Variants in ERP44 observed in about 807,000 individuals in gnomAD.
The protein encoded by ERP44 is endoplasmic reticulum protein 44.
ERP44 carries 25 observed loss-of-function variants against 53.4 expected under a neutral mutation model. That is an observed-to-expected ratio of 0.47 (90% CI 0.34 to 0.65). The LOEUF (loss-of-function observed/expected upper bound fraction) is 0.65, where lower values mean the gene tolerates loss of function less well. Among genes scored for constraint, ERP44 ranks in the 30% least tolerant of loss-of-function variants. ERP44 has a pLI of 0.01. For missense variants in ERP44, 338 were observed against 493.2 expected, an observed-to-expected ratio of 0.69 and a Z score of 2.98; for synonymous variants, 145 against 161.2, an observed-to-expected ratio of 0.90 and a Z score of 0.76.
At chr9:100,029,111 A>G (rs1825743248) in intron 4 of ERP44, among the ~76,000 whole-genome samples, 1 of 152,182 alleles carries the variant, frequency 6.6e-6, no homozygotes. Flanking sequence ...GCTTTAGCAC[A>G]TTGGTCTGTG....
intron 1 of ERP44, among the ~76,000 whole-genome samples, chr9:100,086,147 T>C (rs1428577093): frequency 6.6e-6 from 1 of 152,210 alleles, no homozygotes; most frequent in Non-Finnish European, 1.5e-5. Context: ...GTAGTGCAAA[T>C]GATACCTTTC....
At chr9:100,015,966 G>A (rs111759569) in intron 8 of ERP44, among the ~76,000 whole-genome samples, 16 of 152,148 alleles carry the variant, frequency 1.1e-4, no homozygotes, top group East Asian at 9.6e-4. Flanking sequence ...CTAGCAGGCC[G>A]TGGACTGATA....
rs1025440094 is a variant in ERP44, at chr9:100,004,129, G to T, written c.1016+2377C>A. 2.0e-5 allele frequency among the ~76,000 whole-genome samples: 3 copies of T among 152,182 alleles called. No individual in the cohort carries two copies. In the East Asian group the frequency reaches 5.8e-4, roughly 29 times the overall value. On this transcript the variant is annotated intron_variant, in intron 10 of 11. Transcript: ENST00000262455. ...CTAGAGCCTGGGTCCACTTGTGTTG[G>T]CCTGGAGGCTGAGTGTGCAGGTGCT...
Position 100,010,224 on chromosome 9 carries a change from A to G in ERP44, c.763-2535T>C, listed in dbSNP as rs564703440. 2.0e-5 allele frequency among the ~76,000 whole-genome samples: 3 copies of G among 152,350 alleles called. No individual in the cohort carries two copies. The East Asian group carries it at 5.8e-4, about 29-fold the overall frequency. ...CTATGTCCATACAAGCATATTCTTT[A>G]CCAAACAAATGTTAAAAGATTAAGG... On this transcript the variant is annotated intron_variant, in intron 8 of 11. Transcript: ENST00000262455.
chr9:100,047,452 T>A lies in ERP44; in HGVS notation c.286+4965A>T, dbSNP rs567250632. Among the ~76,000 whole-genome samples, 11 of 152,258 alleles carry A rather than the reference T, an allele frequency of 7.2e-5. No individual in the cohort carries two copies. In the South Asian group the frequency reaches 2.3e-3, roughly 32 times the overall value. ...ATTTTTGATGAGGATGCCAAGGCCA[T>A]TCAATGGGGAAAGAACAGGCTCTTC... On this transcript the variant is annotated intron_variant, in intron 4 of 11. Transcript: ENST00000262455.
chr9:100,004,864 T>C (rs1431231277), intron 10 of ERP44, among the ~76,000 whole-genome samples: 3 of 152,220 alleles, frequency 2.0e-5, no homozygotes, highest in Non-Finnish European at 2.9e-5. Context: ...CTGATGTCCA[T>C]TGAGATTAAC....
chr9:100,051,456 T>C (rs1177267051), intron 4 of ERP44, among the ~76,000 whole-genome samples: 2 of 152,218 alleles, frequency 1.3e-5, no homozygotes, highest in Admixed American at 6.5e-5. Flanking sequence ...GGGAGACAGT[T>C]CTGTATTCAC....
chr9:100,016,825 A>T (rs1830530440), intron 7 of ERP44, among the ~76,000 whole-genome samples: 1 of 152,242 alleles, frequency 6.6e-6, no homozygotes, highest in Non-Finnish European at 1.5e-5. Flanking sequence ...GGCAAAAAGC[A>T]GATAATTCTG....
intron 1 of ERP44, among the ~76,000 whole-genome samples, chr9:100,089,315 C>A (rs1196127998): frequency 6.6e-6 from 1 of 152,096 alleles, no homozygotes; most frequent in Non-Finnish European, 1.5e-5. Context: ...CGTGGTGGCT[C>A]ATGCCTGTTA....
intron 10 of ERP44, among the ~76,000 whole-genome samples, chr9:99,996,844 T>C (rs1019583308): frequency 1.0e-5 from 1 of 100,486 alleles, no homozygotes; most frequent in Admixed American, 1.1e-4. Flanking sequence ...TCCAGATCAC[T>C]GTAAATGCTG....
At chr9:100,017,489 A>G (rs1189620675) in intron 7 of ERP44, among the ~76,000 whole-genome samples, 2 of 152,250 alleles carry the variant, frequency 1.3e-5, no homozygotes, top group African/African-American at 4.8e-5. Context: ...AGCTACTCAA[A>G]GAAATGTACT....
intron 1 of ERP44, among the ~76,000 whole-genome samples, chr9:100,076,135 A>C (rs1826353066): frequency 6.6e-6 from 1 of 152,194 alleles, no homozygotes. Context: ...TGAATGTTTG[A>C]CTATAGGTCT....
chr9:99,987,381 T>C (rs1395471364), intron 10 of ERP44, among the ~76,000 whole-genome samples: 2 of 152,320 alleles, frequency 1.3e-5, no homozygotes, highest in African/African-American at 4.8e-5. Context: ...TAGGGCAAAA[T>C]TGTTCTAATT....
intron 4 of ERP44, among the ~76,000 whole-genome samples, chr9:100,030,270 T>C (rs1316109432): frequency 6.6e-6 from 1 of 152,114 alleles, no homozygotes; most frequent in Non-Finnish European, 1.5e-5. Flanking sequence ...GGGGTCTGGA[T>C]CAGGACTCCT....
In ERP44 at chr9:99,980,418, AAAT is replaced by A. The variant is rs1232387750; in HGVS notation, c.*2191_*2193del. The A allele has an allele frequency of 1.0e-5, 2 of 192,254 alleles. No homozygotes were observed. Among genetic ancestry groups the A allele is most frequent in the African/African-American group, 4.6e-5 (2 of 43,082 alleles). 11.9% of individuals were successfully genotyped at this position (192,254 alleles called of 1,614,324 possible). ...TCCAGATAGACAGTGCCAGCATTTC[AAAT>A]AATATCTAAAGACTGTCCCAGTCCC... On this transcript the variant is annotated 3_prime_UTR_variant, in exon 12 of 12. Transcript: ENST00000262455.
At chr9:100,057,960 TA>T in intron 2 of ERP44, 101 bp from the exon 3 acceptor site, 1 of 868,868 alleles carries the variant, frequency 1.2e-6, no homozygotes, top group Non-Finnish European at 1.8e-6. Flanking sequence ...AGGGTCCACT[TA>T]AAAAAACACA....
At chr9:100,049,180 A>T (rs7038579) in intron 4 of ERP44, among the ~76,000 whole-genome samples, 3 of 152,026 alleles carry the variant, frequency 2.0e-5, no homozygotes, top group Non-Finnish European at 2.9e-5. Flanking sequence ...GAAGCCGAGG[A>T]GGAACAATCA....
intron 1 of ERP44, among the ~76,000 whole-genome samples, chr9:100,085,664 C>G (rs1355969599): frequency 6.6e-6 from 1 of 152,212 alleles, no homozygotes; most frequent in Non-Finnish European, 1.5e-5. Flanking sequence ...CTTTGGGAGG[C>G]CGAGGCAGGT....
intron 6 of ERP44, among the ~76,000 whole-genome samples, chr9:100,019,814 G>C (rs1830566916): frequency 6.6e-6 from 1 of 152,098 alleles, no homozygotes; most frequent in Non-Finnish European, 1.5e-5. Flanking sequence ...TGTTTAAAAG[G>C]CCACTCGATT....
Sources: gnomAD v4.1 joint callset for allele counts (sites outside exome capture counted in the v4.1 genomes callset) on GRCh38, gnomAD v4.1.1 for gene constraint, MANE v1.5 for transcripts, NCBI Gene and HGNC (gene_info 2026-07-23, HGNC 2026-07-21) for gene names.